ARAP1: variants seen among roughly 807,000 people sequenced by gnomAD.
ARAP1 encodes the protein arf-GAP with Rho-GAP domain, ANK repeat and PH domain-containing protein 1.
ARAP1 carries 76 observed loss-of-function variants against 172.2 expected under a neutral mutation model. The ratio of observed to expected loss-of-function variants is 0.44; its 90% CI spans 0.37 to 0.53. The LOEUF is 0.53. Ranked by LOEUF, ARAP1 falls within the 20% of genes least tolerant of loss-of-function variation. The pLI, the probability that ARAP1 is intolerant of heterozygous loss-of-function variation, is 0.00. For missense variants in ARAP1, 1,686 were observed against 1,977.5 expected (o/e 0.85, Z 2.80); for synonymous variants, 804 against 803.3 (o/e 1.00, Z -0.01).
At chr11:72,723,967 C>T (rs112521882) in intron 3 of ARAP1, among the ~76,000 whole-genome samples, 5 of 152,208 alleles carry the variant, frequency 3.3e-5, no homozygotes, top group Non-Finnish European at 5.9e-5. Flanking sequence ...TCAAACAGCA[C>T]GTGCACACTC....
At position 72,693,634 on chromosome 11, in the gene ARAP1, C is replaced by T. The variant is rs1362816553; in HGVS notation, c.3808+58G>A. 1.3e-6 allele frequency: 2 copies of T among 1,544,414 alleles called. No individual in the cohort carries two copies. The highest frequency in any genetic ancestry group is 2.7e-5 in the African/African-American group (2 of 73,330). On this transcript the variant is annotated intron_variant, in intron 28 of 34. Coordinates refer to ENST00000393609, the MANE Select transcript of ARAP1 (RefSeq NM_001040118.3). The surrounding 1 kb of genome is among the most constrained non-coding windows in gnomAD (Gnocchi z 4.6). ...TCCTACCTGGCACCACCAGGTCCCA[C>T]CCTGGCTCTGGAAGAGAGGACCACC...
intron 1 of ARAP1, among the ~76,000 whole-genome samples, chr11:72,738,137 G>A (rs964252268): frequency 5.3e-5 from 8 of 152,214 alleles, no homozygotes; most frequent in Non-Finnish European, 1.2e-4. Context: ...GCCAGGTGGA[G>A]GCCATTCCAG....
At chr11:72,704,695 G>T in intron 13 of ARAP1, 1 of 230,684 alleles carries the variant, frequency 4.3e-6, no homozygotes, top group Non-Finnish European at 8.6e-6. Context: ...TGCCTAACCT[G>T]TCAGCCAATG....
At position 72,713,197 on chromosome 11, in the gene ARAP1, T is replaced by G. The variant is rs1857111897; in HGVS notation, c.726A>C (p.Pro242=). 6.2e-7 allele frequency: 1 copy of G among 1,613,922 alleles called. No individual in the cohort carries two copies. The highest frequency in any genetic ancestry group is 1.1e-5 in the South Asian group (1 of 91,080). ...DEVPEEGPGA[P]ARVMTKKEEP... ...CCACCTTCTTGGTCATCACTCTGGCTGGGGCCCCCGGCCCCTCCTCTGGGA... is the reference window on the plus strand; with the variant it reads ...CCACCTTCTTGGTCATCACTCTGGCGGGGGCCCCCGGCCCCTCCTCTGGGA... The change falls in exon 5 of 35, where the codon CCA becomes CCC. Residue 242 remains proline (P), a synonymous_variant. Transcript: ENST00000393609.
intron 11 of ARAP1, chr11:72,708,544 G>C (rs891178067): frequency 1.7e-5 from 3 of 171,804 alleles, no homozygotes; most frequent in African/African-American, 7.1e-5. Context: ...TCATCAAAGA[G>C]AACTTCAAAT....
At chr11:72,703,580 G>T (rs969592645) in intron 14 of ARAP1, among the ~76,000 whole-genome samples, 2 of 152,238 alleles carry the variant, frequency 1.3e-5, no homozygotes, top group African/African-American at 4.8e-5. Context: ...CTCCCACCGG[G>T]CTTCTAGCTG....
chr11:72,740,415 T>C (rs938832259), intron 1 of ARAP1, among the ~76,000 whole-genome samples: 1 of 152,230 alleles, frequency 6.6e-6, no homozygotes, highest in Admixed American at 6.5e-5. Context: ...TTTCACTTTC[T>C]ACAACCTTCA....
intron 16 of ARAP1, 87 bp downstream of exon 16, chr11:72,701,562 C>G: frequency 6.6e-7 from 1 of 1,514,384 alleles, no homozygotes; most frequent in Non-Finnish European, 8.8e-7. Context: ...CTGCCAGAGT[C>G]CACCAGTCTG....
chr11:72,714,203 G>C lies in ARAP1; in HGVS notation c.628C>G (p.Pro210Ala), dbSNP rs756647347. The C allele has an allele frequency of 5.2e-5, 79 of 1,522,666 alleles. No individual in the cohort carries two copies. Among genetic ancestry groups the C allele is most frequent in the Non-Finnish European group, 3.5e-6 (4 of 1,140,172 alleles). The allele number at this position is 1,522,666 out of a possible 1,614,324, so 94.3% of individuals were successfully genotyped here. Residue 210 changes from proline to alanine, a missense_variant, in exon 4 of 35, where the codon CCC becomes GCC. Physicochemically the swap from Pro to Ala is conservative, Grantham distance 27. Around this residue, in one of 5 missense-constraint regions of ARAP1, gnomAD observed 155 missense variants for 129.2 expected, o/e 1.20. Coordinates refer to ENST00000393609, the MANE Select transcript of ARAP1 (RefSeq NM_001040118.3). ...TTTGGAGGTATCTCCGGGGGGCAGG[G>C]AGGTGGAGAGGGAGGCTGGGGAGGC... is the stretch of plus-strand genomic sequence containing the variant. Reference protein sequence around the residue: ...QGPPQPPSPPPCPPEIPPKPV... With the variant: ...QGPPQPPSPPACPPEIPPKPV...
rs371423117 is a variant in ARAP1, at chr11:72,705,852, G to A, written c.1762C>T (p.Arg588Trp). 9 of 1,613,994 alleles carry A rather than the reference G, an allele frequency of 5.6e-6. No homozygotes were observed. Among genetic ancestry groups the A allele is most frequent in the African/African-American group, 5.3e-5 (4 of 74,912 alleles). ...ACCTTCCTGTCCATCTTCAGGCTCC[G>A]CACCTTGGAGACGCCAGCGCCCAGG... ...RGLGAGVSKV[R>W]SLKMDRKVWT... is the part of the protein sequence containing the mutation. Residue 588 changes from arginine (R) to tryptophan (W), a missense_variant, in exon 13 of 35, where the codon CGG (arginine) becomes TGG (tryptophan). Physicochemically the swap from Arg to Trp is moderately radical, Grantham distance 101. Transcript: ENST00000393609.
intron 1 of ARAP1, among the ~76,000 whole-genome samples, chr11:72,745,721 G>A (rs1305914716): frequency 1.3e-5 from 2 of 152,094 alleles, no homozygotes; most frequent in African/African-American, 4.8e-5. Context: ...GTGTCCCAAA[G>A]GGCACCTGTG....
intron 7 of ARAP1, among the ~76,000 whole-genome samples, chr11:72,711,933 G>A (rs1251875852): frequency 2.0e-5 from 3 of 152,126 alleles, no homozygotes; most frequent in Non-Finnish European, 4.4e-5. Flanking sequence ...CTGGCCTCAA[G>A]CAAACCTCCC....
chr11:72,705,985 G>C, intron 12 of ARAP1, 95 bp from the exon 13 acceptor site: 1 of 1,292,828 alleles, frequency 7.7e-7, no homozygotes, highest in South Asian at 1.3e-5. Context: ...GCAGGGATGA[G>C]AGGCCACAGG....
Position 72,693,299 on chromosome 11 carries a change from G to A in ARAP1, c.3954+26C>T, listed in dbSNP as rs1019409030. On this transcript the variant is annotated intron_variant, in intron 29 of 34. Transcript: ENST00000393609. This position sits in a 1 kb window ranked among gnomAD's most constrained non-coding sequence, Gnocchi z 4.6. ...TTCAGGTGTACAGGTGCCCACCCTG[G>A]GGCAGAACCCAGCGGGGCCACTTAC... 1 of 1,611,206 alleles carries A rather than the reference G, an allele frequency of 6.2e-7. No homozygotes were observed. Among genetic ancestry groups the A allele is most frequent in the Non-Finnish European group, 8.5e-7 (1 of 1,178,216 alleles).
Position 72,726,766 on chromosome 11 carries a change from C to A in ARAP1, c.363G>T (p.Arg121Ser). ...TGAAGCAGGTGGGCGGAAGGCAGCTCCTCCGGGGCGGGATGGGTGGGGCAG... is the reference window on the plus strand; with the variant it reads ...TGAAGCAGGTGGGCGGAAGGCAGCTACTCCGGGGCGGGATGGGTGGGGCAG... ...LPAAPPIPPR[R>S]SCLPPTCFTT... is the part of the protein sequence containing the mutation. Residue 121 changes from arginine to serine, a missense_variant, in exon 3 of 35, where the codon AGG (arginine) becomes AGT (serine). Arg to Ser is a moderately radical substitution (Grantham distance 110). This residue lies in a region of ARAP1 where 190 missense variants were observed against 228.6 expected (regional missense o/e 0.83). Transcript: ENST00000393609. This position sits in a 1 kb window ranked among gnomAD's most constrained non-coding sequence, Gnocchi z 6.5. The A allele has an allele frequency of 6.5e-7, 1 of 1,547,284 alleles. No homozygotes were observed. Among genetic ancestry groups the A allele is most frequent in the Non-Finnish European group, 8.7e-7 (1 of 1,145,644 alleles).
Position 72,707,155 on chromosome 11 carries a change from C to T in ARAP1, c.1723+20G>A, listed in dbSNP as rs1248351753. 1 of 1,541,296 alleles carries T rather than the reference C, an allele frequency of 6.5e-7. No individual in the cohort carries two copies. The highest frequency in any genetic ancestry group is 8.8e-7 in the Non-Finnish European group (1 of 1,137,956). ...ACCCCGCCATGCCTCTGCCTGGTGC[C>T]CCGACCCCCATGCACACACCTGCAC... On this transcript the variant is annotated intron_variant, in intron 12 of 34. Transcript: ENST00000393609.
At chr11:72,692,983 A>C in intron 29 of ARAP1, 198 bp from the exon 30 acceptor site, 1 of 694,438 alleles carries the variant, frequency 1.4e-6, no homozygotes, top group Non-Finnish European at 2.5e-6. Context: ...GGCATATGAC[A>C]TACGATATGA....
chr11:72,734,392 G>A (rs1565230910), intron 1 of ARAP1, among the ~76,000 whole-genome samples: 2 of 152,110 alleles, frequency 1.3e-5, no homozygotes, highest in Non-Finnish European at 2.9e-5. Flanking sequence ...AAGTGCTTAA[G>A]ATTATAGGCA....
chr11:72,698,212 C>G, intron 18 of ARAP1, 106 bp from the exon 19 acceptor site: 5 of 1,319,050 alleles, frequency 3.8e-6, no homozygotes, highest in Non-Finnish European at 5.1e-6. Flanking sequence ...ACCCAGCTGC[C>G]TTCTCTTCTC....
Sources: gnomAD v4.1 joint callset for allele counts (sites outside exome capture counted in the v4.1 genomes callset) on GRCh38, gnomAD v4.1.1 for gene constraint, gnomAD v4.1.1 regional missense constraint, Gnocchi (gnomAD v3.1) non-coding constraint, MANE v1.5 for transcripts, NCBI Gene and HGNC (gene_info 2026-07-23, HGNC 2026-07-21) for gene names.